The following NTM variants were observed in gnomAD, a reference collection of about 807,000 sequenced individuals.
NTM encodes IgLON family member 2.
Under a neutral mutation model 42.1 loss-of-function variants are expected in NTM, and 13 were observed. The ratio of observed to expected loss-of-function variants is 0.31; its 90% CI spans 0.20 to 0.49. The LOEUF is 0.49. Ranked by LOEUF, NTM falls within the 20% of genes least tolerant of loss-of-function variation. The pLI is 0.99. For synonymous variants in NTM, 187 were observed against 179.2 expected (o/e 1.04, Z -0.35); for missense variants, 373 against 452.8 (o/e 0.82, Z 1.60).
chr11:131,767,633 C>T lies in NTM; in HGVS notation c.83-143931C>T, dbSNP rs555603291. Among the ~76,000 whole-genome samples the T allele has an allele frequency of 3.5e-4, 54 of 152,274 alleles. 1 individual carries two copies. Among genetic ancestry groups the T allele is most frequent in the Admixed American group, 1.6e-3 (25 of 15,298 alleles). ...AAAGGAAAGAAAAGCCTCTGCAAACCAGGAAATGAGTCCTCGCCAGACACA... is the reference window on the plus strand; with the variant it reads ...AAAGGAAAGAAAAGCCTCTGCAAACTAGGAAATGAGTCCTCGCCAGACACA... On this transcript the variant is annotated intron_variant, in intron 1 of 8. Coordinates refer to ENST00000683400, the MANE Select transcript of NTM (RefSeq NM_001352005.2).
chr11:131,561,881 A>G (rs2056279458), intron 1 of NTM, among the ~76,000 whole-genome samples: 1 of 152,256 alleles, frequency 6.6e-6, no homozygotes, highest in Non-Finnish European at 1.5e-5. Flanking sequence ...GGGATGTTGG[A>G]AGATTGATAA....
At chr11:131,444,705 A>T (rs1006457750) in intron 1 of NTM, among the ~76,000 whole-genome samples, 13 of 152,176 alleles carry the variant, frequency 8.5e-5, no homozygotes, top group Non-Finnish European at 1.9e-4. Context: ...CATTTAGGTT[A>T]GGTTAAAGAT....
intron 4 of NTM, among the ~76,000 whole-genome samples, chr11:132,250,561 G>T (rs1474720006): frequency 6.6e-6 from 1 of 150,404 alleles, no homozygotes; most frequent in African/African-American, 2.4e-5. Context: ...GCATTGTTTG[G>T]CATTCTTCAT....
intron 3 of NTM, among the ~76,000 whole-genome samples, chr11:132,160,605 G>A (rs2074070800): frequency 6.6e-6 from 1 of 152,202 alleles, no homozygotes; most frequent in African/African-American, 2.4e-5. Flanking sequence ...AATAATATGT[G>A]GGCGGGTGAC....
At chr11:131,513,577 C>T (rs1483796283) in intron 1 of NTM, among the ~76,000 whole-genome samples, 1 of 152,222 alleles carries the variant, frequency 6.6e-6, no homozygotes, top group Non-Finnish European at 1.5e-5. Context: ...CCTTCTTCCA[C>T]TGTCAGATAC....
chr11:132,140,264 C>T (rs1002041079), intron 2 of NTM, among the ~76,000 whole-genome samples: 6 of 152,264 alleles, frequency 3.9e-5, no homozygotes, highest in East Asian at 1.9e-4. Flanking sequence ...TACCTCCTAG[C>T]GGTGTGGGAC....
At chr11:132,111,830 T>C (rs1230325447) in intron 2 of NTM, among the ~76,000 whole-genome samples, 1 of 152,264 alleles carries the variant, frequency 6.6e-6, no homozygotes, top group Non-Finnish European at 1.5e-5. Context: ...TGGATCTGTC[T>C]CCATAATCCT....
In NTM at chr11:131,741,454, C is replaced by T. The variant is rs547540971; in HGVS notation, c.83-170110C>T. On this transcript the variant is annotated intron_variant, in intron 1 of 8. Transcript: ENST00000683400. ...CATGCGCTCTGTTTTCTCAGATTAC[C>T]TTTGGAAGCTGGACTTTTCTCCTAA... 5.9e-5 allele frequency among the ~76,000 whole-genome samples: 9 copies of T among 152,294 alleles called. No homozygotes were observed. In the East Asian group the frequency reaches 1.7e-3, roughly 29 times the overall value.
intron 1 of NTM, among the ~76,000 whole-genome samples, chr11:131,716,076 T>C (rs1224490706): frequency 1.3e-5 from 2 of 152,168 alleles, no homozygotes; most frequent in Non-Finnish European, 2.9e-5. Context: ...GTTCAAGAAG[T>C]CCAAGATCAA....
At position 131,789,492 on chromosome 11, in the gene NTM, G is replaced by GAAGAAGAA. The variant is rs1565550943; in HGVS notation, c.83-122072_83-122071insAAGAAGAA. Among the ~76,000 whole-genome samples, 25 of 3,164 alleles carry GAAGAAGAA rather than the reference G, an allele frequency of 7.9e-3. 12 individuals are homozygous for GAAGAAGAA. Among genetic ancestry groups the GAAGAAGAA allele is most frequent in the South Asian group, 0.018 (2 of 110 alleles). The allele number at this position is 3,164 out of a possible 152,430, so 2.1% of individuals were successfully genotyped here. A position where few individuals can be genotyped will look rare whatever the true frequency, so the allele number is the denominator to read the frequency against. On this transcript the variant is annotated intron_variant, in intron 1 of 8. Coordinates refer to ENST00000683400, the MANE Select transcript of NTM (RefSeq NM_001352005.2). ...AAGAAGAAGAAGAAGAAGAAGAAGAGGAAAGAAGAAGAAGAAGAAGAAGAA... is the reference window on the plus strand; with the variant it reads ...AAGAAGAAGAAGAAGAAGAAGAAGAGAAGAAGAAGAAAGAAGAAGAAGAAGAAGAAGAA...
At chr11:131,554,983 A>G (rs2055206175) in intron 1 of NTM, among the ~76,000 whole-genome samples, 1 of 152,166 alleles carries the variant, frequency 6.6e-6, no homozygotes. Flanking sequence ...GGTCTTTTAA[A>G]AAAGCTATAC....
At chr11:131,763,957 A>G (rs1258526809) in intron 1 of NTM, among the ~76,000 whole-genome samples, 1 of 151,898 alleles carries the variant, frequency 6.6e-6, no homozygotes, top group Non-Finnish European at 1.5e-5. Context: ...GTAACTCTGC[A>G]ATTCTGCAAC....
chr11:131,402,935 C>G (rs928446651), intron 1 of NTM, among the ~76,000 whole-genome samples: 1 of 152,138 alleles, frequency 6.6e-6, no homozygotes, highest in African/African-American at 2.4e-5. Flanking sequence ...ATAAATTTCA[C>G]AATTAAAATA....
intron 3 of NTM, 89 bp from the exon 4 acceptor site, chr11:132,211,931 ACT>A: frequency 1.6e-6 from 2 of 1,228,910 alleles, no homozygotes; most frequent in Non-Finnish European, 2.2e-6. Context: ...CATATATTTT[ACT>A]CTCTGGACTG....
chr11:131,564,722 C>T (rs1170352026), intron 1 of NTM, among the ~76,000 whole-genome samples: 3 of 152,156 alleles, frequency 2.0e-5, no homozygotes, highest in East Asian at 1.9e-4. Context: ...GGCAAGAGCA[C>T]GTACCATGAG....
At chr11:132,001,984 G>T (rs565652062) in intron 2 of NTM, among the ~76,000 whole-genome samples, 6 of 152,314 alleles carry the variant, frequency 3.9e-5, no homozygotes, top group African/African-American at 1.4e-4. Context: ...AAGATATGGA[G>T]AGGTGAAGCC....
At chr11:131,592,624 C>T (rs1229309188) in intron 1 of NTM, among the ~76,000 whole-genome samples, 1 of 145,106 alleles carries the variant, frequency 6.9e-6, no homozygotes, top group Non-Finnish European at 1.5e-5. Context: ...ACCTCCCCAA[C>T]ACAAATACAC....
intron 1 of NTM, among the ~76,000 whole-genome samples, chr11:131,867,512 C>CACGTGTGTAT (rs757715753): frequency 1.7e-4 from 26 of 151,074 alleles, no homozygotes; most frequent in Non-Finnish European, 3.7e-4. Context: ...AGCGTGTGTA[C>CACGTGTGTAT]ACGTGTGTAT....
At chr11:131,915,828 C>T (rs912486247) in intron 2 of NTM, among the ~76,000 whole-genome samples, 1 of 152,180 alleles carries the variant, frequency 6.6e-6, no homozygotes, top group Non-Finnish European at 1.5e-5. Context: ...TTCACTACCA[C>T]CAGAGCAGTA....
Sources: gnomAD v4.1 joint callset for allele counts (sites outside exome capture counted in the v4.1 genomes callset) on GRCh38, gnomAD v4.1.1 for gene constraint, MANE v1.5 for transcripts, NCBI Gene and HGNC (gene_info 2026-07-23, HGNC 2026-07-21) for gene names.